DLGAP2: variants seen among roughly 807,000 people sequenced by gnomAD.
The protein encoded by DLGAP2 is DLG associated protein 2, also known as disks large-associated protein 2.
DLGAP2 carries 26 observed loss-of-function variants against 100.3 expected under a neutral mutation model. That is an observed-to-expected ratio of 0.26 (90% confidence interval 0.19 to 0.36). The LOEUF (loss-of-function observed/expected upper bound fraction) is 0.36. Among genes scored for constraint, DLGAP2 ranks in the 10% least tolerant of loss-of-function variants. The pLI, the probability that DLGAP2 is intolerant of heterozygous loss-of-function variation, is 1.00. For synonymous variants in DLGAP2, 886 were observed against 630.1 expected, an observed-to-expected ratio of 1.41 and a Z score of -6.08; for missense variants, 1,858 against 1,453.2, an observed-to-expected ratio of 1.28 and a Z score of -4.53.
At chr8:1,563,069 T>TG (rs202194625) in intron 5 of DLGAP2, among the ~76,000 whole-genome samples, 1 of 24,706 alleles carries the variant, frequency 4.0e-5, no homozygotes, top group Non-Finnish European at 7.0e-5. Context: ...TGTGTGGTGT[T>TG]GGGTGTCCGC....
At chr8:984,315 C>T (rs1236792036) in intron 2 of DLGAP2, among the ~76,000 whole-genome samples, 1 of 152,130 alleles carries the variant, frequency 6.6e-6, no homozygotes, top group East Asian at 1.9e-4. Flanking sequence ...TATTCTCTGC[C>T]TCTGTGAAAT....
intron 2 of DLGAP2, among the ~76,000 whole-genome samples, chr8:1,075,874 C>T (rs549000771): frequency 2.0e-5 from 3 of 151,562 alleles, no homozygotes; most frequent in Non-Finnish European, 4.4e-5. Context: ...CAAGACCAGC[C>T]TGGGCAACGG....
At chr8:1,311,516 C>G (rs1468395564) in intron 3 of DLGAP2, among the ~76,000 whole-genome samples, 6 of 152,244 alleles carry the variant, frequency 3.9e-5, no homozygotes, top group East Asian at 1.9e-4. Context: ...AATGTAGATG[C>G]TAAAATTTTC....
chr8:1,425,865 A>T (rs1316105333), intron 3 of DLGAP2, among the ~76,000 whole-genome samples: 1 of 152,168 alleles, frequency 6.6e-6, no homozygotes, highest in Non-Finnish European at 1.5e-5. Flanking sequence ...TGAGGCAGGG[A>T]ATGCGGACTG....
chr8:961,201 C>T (rs1799717518), intron 2 of DLGAP2, among the ~76,000 whole-genome samples: 1 of 152,212 alleles, frequency 6.6e-6, no homozygotes, highest in Admixed American at 6.5e-5. Context: ...AAGCTGGGGC[C>T]ATACAATATC....
At chr8:1,573,179 T>G (rs1438299155) in intron 6 of DLGAP2, among the ~76,000 whole-genome samples, 25 of 83,664 alleles carry the variant, frequency 3.0e-4, no homozygotes, top group South Asian at 9.1e-4. Flanking sequence ...GAGATGGAGA[T>G]GAGAGAGGGT....
chr8:838,438 C>T (rs1276779981), intron 1 of DLGAP2, among the ~76,000 whole-genome samples: 1 of 151,056 alleles, frequency 6.6e-6, no homozygotes, highest in East Asian at 1.9e-4. Flanking sequence ...TTTAGTGCTC[C>T]CTGAAAAATT....
At chr8:858,337 C>T (rs561240044) in intron 1 of DLGAP2, among the ~76,000 whole-genome samples, 16 of 152,356 alleles carry the variant, frequency 1.1e-4, no homozygotes, top group Admixed American at 3.3e-4. Flanking sequence ...CAAAAGGCTA[C>T]GCAATGTAGG....
chr8:1,602,044 G>A (rs775568510), intron 6 of DLGAP2, among the ~76,000 whole-genome samples: 38 of 151,618 alleles, frequency 2.5e-4, no homozygotes, highest in Non-Finnish European at 5.4e-4. Context: ...CAGTCCTGCT[G>A]CCTGCTGCAT....
chr8:1,162,082 T>G (rs1796903151), intron 2 of DLGAP2, among the ~76,000 whole-genome samples: 1 of 152,158 alleles, frequency 6.6e-6, no homozygotes. Context: ...TCCAGCTGAT[T>G]CTTATCTCAT....
chr8:1,553,676 G>A (rs1021190004), intron 5 of DLGAP2, among the ~76,000 whole-genome samples: 6 of 152,152 alleles, frequency 3.9e-5, no homozygotes, highest in African/African-American at 9.7e-5. Context: ...CTCTGCAGCC[G>A]GTCCCATCAC....
intron 3 of DLGAP2, among the ~76,000 whole-genome samples, chr8:1,478,903 T>C (rs1799011619): frequency 6.6e-6 from 1 of 151,966 alleles, no homozygotes; most frequent in Non-Finnish European, 1.5e-5. Context: ...AAGCTGGAGG[T>C]TGAGGGAGAT....
intron 3 of DLGAP2, among the ~76,000 whole-genome samples, chr8:1,324,316 A>C (rs957388529): frequency 1.3e-5 from 2 of 152,242 alleles, no homozygotes; most frequent in African/African-American, 4.8e-5. Flanking sequence ...CAGAGAGCAC[A>C]TTCCTATCCT....
chr8:1,622,584 C>T (rs1053161058), intron 6 of DLGAP2, among the ~76,000 whole-genome samples: 2 of 152,206 alleles, frequency 1.3e-5, no homozygotes, highest in Non-Finnish European at 2.9e-5. Flanking sequence ...TCCTGCAGTT[C>T]TGTCTTGGGG....
At chr8:1,112,900 C>A (rs1489673650) in intron 2 of DLGAP2, among the ~76,000 whole-genome samples, 1 of 152,152 alleles carries the variant, frequency 6.6e-6, no homozygotes, top group African/African-American at 2.4e-5. Flanking sequence ...AGGAAGGGGT[C>A]CAGCTTCAAT....
At chr8:1,054,279 C>T (rs994143438) in intron 2 of DLGAP2, among the ~76,000 whole-genome samples, 8 of 152,054 alleles carry the variant, frequency 5.3e-5, no homozygotes, top group African/African-American at 9.7e-5. Context: ...CGGACACACA[C>T]GCACACACAC....
intron 7 of DLGAP2, among the ~76,000 whole-genome samples, chr8:1,632,539 C>T (rs1325080007): frequency 6.6e-6 from 1 of 152,232 alleles, no homozygotes; most frequent in Non-Finnish European, 1.5e-5. Context: ...AGTTCTATCT[C>T]TCTTACACTT....
chr8:1,096,884 T>C (rs112671504), intron 2 of DLGAP2, among the ~76,000 whole-genome samples: 2,331 of 36,532 alleles, frequency 0.064, no homozygotes, highest in Middle Eastern at 0.083. Flanking sequence ...TGGAGAGGTC[T>C]CCTCCAGCGT....
At chr8:1,439,325 C>T (rs1797755247) in intron 3 of DLGAP2, among the ~76,000 whole-genome samples, 1 of 152,182 alleles carries the variant, frequency 6.6e-6, no homozygotes, top group Non-Finnish European at 1.5e-5. Context: ...GAGGAAGCTT[C>T]GCGCTGTCTG....
Sources: allele counts gnomAD v4.1 joint callset (sites outside exome capture counted in the v4.1 genomes callset), GRCh38; gene constraint gnomAD v4.1.1; transcripts MANE v1.5; gene names NCBI Gene and HGNC (gene_info 2026-07-23, HGNC 2026-07-21).